The following MSRA variants were observed in gnomAD, a reference collection of about 807,000 sequenced individuals.
MSRA encodes methionine sulfoxide reductase A, also known as mitochondrial peptide methionine sulfoxide reductase.
In MSRA, 54 loss-of-function variants were observed where a neutral mutation model predicts 31.3. The ratio of observed to expected loss-of-function variants is 1.73; its 90% CI spans 1.39 to 2.17. The LOEUF is 2.17. Ranked by LOEUF, MSRA falls within the 30% of genes most tolerant of loss-of-function variation. MSRA has a pLI of 0.00. For missense variants in MSRA, 507 were observed against 300.9 expected (o/e 1.69, Z -5.07); for synonymous variants, 169 against 116.5 (o/e 1.45, Z -2.90).
At chr8:10,214,855 T>G (rs1809851713) in intron 2 of MSRA, among the ~76,000 whole-genome samples, 1 of 152,224 alleles carries the variant, frequency 6.6e-6, no homozygotes, top group Admixed American at 6.5e-5. Flanking sequence ...GTGCATGATT[T>G]CAACTTTCGT....
At chr8:10,343,415 T>C (rs868498920) in intron 5 of MSRA, among the ~76,000 whole-genome samples, 26 of 152,296 alleles carry the variant, frequency 1.7e-4, no homozygotes, top group Middle Eastern at 3.4e-3. Context: ...TGAATAGTAG[T>C]ATTGCAGTTG....
intron 3 of MSRA, among the ~76,000 whole-genome samples, chr8:10,267,302 G>C (rs958325585): frequency 1.3e-5 from 2 of 152,198 alleles, no homozygotes; most frequent in African/African-American, 4.8e-5. Flanking sequence ...AGAGAAGTTT[G>C]TTTGGGTTCT....
At chr8:10,335,109 C>A (rs1339672774) in intron 5 of MSRA, among the ~76,000 whole-genome samples, 1 of 152,230 alleles carries the variant, frequency 6.6e-6, no homozygotes, top group East Asian at 1.9e-4. Context: ...CCGCACCGTG[C>A]GCCCCACCCA....
At chr8:10,073,410 T>G (rs1241837272) in intron 1 of MSRA, among the ~76,000 whole-genome samples, 1 of 152,224 alleles carries the variant, frequency 6.6e-6, no homozygotes, top group Non-Finnish European at 1.5e-5. Context: ...GTGTCTGCGT[T>G]CTCAGTGTAA....
intron 1 of MSRA, among the ~76,000 whole-genome samples, chr8:10,106,430 T>G (rs1313353456): frequency 2.0e-5 from 3 of 152,244 alleles, no homozygotes; most frequent in Non-Finnish European, 4.4e-5. Context: ...CTCTGCACCA[T>G]TCCTCTACTG....
chr8:10,274,073 G>A (rs1007527696), intron 3 of MSRA, among the ~76,000 whole-genome samples: 13 of 152,154 alleles, frequency 8.5e-5, no homozygotes, highest in Non-Finnish European at 1.6e-4. Flanking sequence ...TCTACTGACA[G>A]GGGTTAGCAT....
At chr8:10,408,155 C>T (rs1438512999) in intron 5 of MSRA, among the ~76,000 whole-genome samples, 3 of 152,162 alleles carry the variant, frequency 2.0e-5, no homozygotes, top group Non-Finnish European at 4.4e-5. Context: ...GAAAGGGTCG[C>T]ATCCCTGGGA....
intron 1 of MSRA, among the ~76,000 whole-genome samples, chr8:10,133,631 G>A (rs1407989083): frequency 2.0e-5 from 3 of 152,166 alleles, no homozygotes; most frequent in African/African-American, 7.2e-5. Flanking sequence ...GGGGAAAAAA[G>A]ACCTACATCA....
At chr8:10,321,682 C>G (rs1042195183) in intron 5 of MSRA, among the ~76,000 whole-genome samples, 3 of 152,210 alleles carry the variant, frequency 2.0e-5, no homozygotes, top group African/African-American at 2.4e-5. Context: ...TGAAAACTCT[C>G]TGTTACCGCG....
chr8:10,353,233 A>G (rs2129159973), intron 5 of MSRA, among the ~76,000 whole-genome samples: 1 of 152,366 alleles, frequency 6.6e-6, no homozygotes, highest in East Asian at 1.9e-4. Context: ...TGCCTTCTGC[A>G]AATAACCAAT....
chr8:10,336,147 C>G (rs1470120653), intron 5 of MSRA, among the ~76,000 whole-genome samples: 6 of 152,126 alleles, frequency 3.9e-5, no homozygotes, highest in African/African-American at 1.4e-4. Context: ...TTTAATTTGT[C>G]AAGATCAGGG....
chr8:10,135,922 C>G (rs1013039289), intron 1 of MSRA, among the ~76,000 whole-genome samples: 1 of 152,166 alleles, frequency 6.6e-6, no homozygotes, highest in Non-Finnish European at 1.5e-5. Context: ...ATCTAATAAT[C>G]ACAGAACTGA....
chr8:10,155,308 G>T (rs1233972586), intron 1 of MSRA, among the ~76,000 whole-genome samples: 6 of 152,152 alleles, frequency 3.9e-5, no homozygotes, highest in African/African-American at 1.4e-4. Context: ...ACTGTGGAAG[G>T]AGACATAAAT....
At chr8:10,293,308 G>T (rs1035649403) in intron 3 of MSRA, among the ~76,000 whole-genome samples, 1 of 152,188 alleles carries the variant, frequency 6.6e-6, no homozygotes, top group Non-Finnish European at 1.5e-5. Flanking sequence ...CCACTTTGTG[G>T]CTTTGCAACA....
chr8:10,183,068 A>G (rs756680146), intron 1 of MSRA, among the ~76,000 whole-genome samples: 3 of 152,258 alleles, frequency 2.0e-5, no homozygotes, highest in African/African-American at 7.2e-5. Flanking sequence ...TATCGTCTCC[A>G]CTGATGCTAT....
At chr8:10,321,363 A>G (rs1802032242) in intron 5 of MSRA, among the ~76,000 whole-genome samples, 1 of 152,102 alleles carries the variant, frequency 6.6e-6, no homozygotes, top group South Asian at 2.1e-4. Context: ...GGCTGTAACT[A>G]GAGTGTCCAC....
In MSRA at chr8:10,413,447, C is replaced by T. The variant is rs532570866; in HGVS notation, c.544-14701C>T. Among the ~76,000 whole-genome samples the T allele has an allele frequency of 2.0e-5, 3 of 152,244 alleles. No homozygotes were observed. In the South Asian group the frequency reaches 6.2e-4, roughly 32 times the overall value. ...AACACCACACTGTGGGGCAGGACATCTGATTTCCAGAGTTGCCACATTATT... is the reference window on the plus strand; with the variant it reads ...AACACCACACTGTGGGGCAGGACATTTGATTTCCAGAGTTGCCACATTATT... On this transcript the variant is annotated intron_variant, in intron 5 of 5. Transcript: ENST00000317173.
chr8:10,186,149 C>T (rs1585120589), intron 1 of MSRA, among the ~76,000 whole-genome samples: 3 of 152,198 alleles, frequency 2.0e-5, no homozygotes, highest in Admixed American at 6.5e-5. Context: ...CCTTTCCTCA[C>T]GTGGCCCTTT....
chr8:10,404,452 C>T (rs891386539), intron 5 of MSRA, among the ~76,000 whole-genome samples: 6 of 152,248 alleles, frequency 3.9e-5, no homozygotes, highest in African/African-American at 1.4e-4. Context: ...GGATCCATCA[C>T]GCCCGCCCAC....
Sources: gnomAD v4.1 joint callset for allele counts (sites outside exome capture counted in the v4.1 genomes callset) on GRCh38, gnomAD v4.1.1 for gene constraint, MANE v1.5 for transcripts, NCBI Gene and HGNC (gene_info 2026-07-23, HGNC 2026-07-21) for gene names.